Variants in NAALADL2 observed in about 807,000 individuals in gnomAD.
The protein encoded by NAALADL2 is inactive N-acetylated-alpha-linked acidic dipeptidase-like protein 2.
A neutral mutation model predicts 87.2 loss-of-function variants in NAALADL2; 76 were observed. The observed-to-expected ratio is 0.87, with a 90% CI of 0.72 to 1.05. The LOEUF (loss-of-function observed/expected upper bound fraction) is 1.05, where lower values mean the gene tolerates loss of function less well. NAALADL2 is among the 50% of genes least tolerant of loss of function. The pLI is 0.00. For synonymous variants in NAALADL2, 354 were observed against 331.0 expected (o/e 1.07, Z -0.75); for missense variants, 1,089 against 945.8 (o/e 1.15, Z -1.99).
chr3:174,627,759 C>T (rs750406484), intron 2 of NAALADL2, among the ~76,000 whole-genome samples: 1 of 152,000 alleles, frequency 6.6e-6, no homozygotes, highest in Non-Finnish European at 1.5e-5. Flanking sequence ...ACTAGTTGGC[C>T]ATTAAAAAGA....
intron 4 of NAALADL2, among the ~76,000 whole-genome samples, chr3:175,287,067 G>T (rs1356269996): frequency 1.3e-5 from 2 of 152,076 alleles, no homozygotes; most frequent in Non-Finnish European, 2.9e-5. Flanking sequence ...TTGCACTACA[G>T]CCTGGGCAAC....
At chr3:175,313,539 A>G (rs1236277383) in intron 4 of NAALADL2, among the ~76,000 whole-genome samples, 5 of 152,180 alleles carry the variant, frequency 3.3e-5, no homozygotes, top group African/African-American at 1.2e-4. Flanking sequence ...CAGCAAAAGT[A>G]AAAAGATCGG....
At chr3:175,017,096 A>G (rs113994625) in intron 1 of NAALADL2, among the ~76,000 whole-genome samples, 1,529 of 152,142 alleles carry the variant, frequency 0.01, 24 homozygotes, top group African/African-American at 0.035. Flanking sequence ...ACAACTAGTT[A>G]CCCATAGAAT....
At chr3:175,160,360 C>CT (rs71164618) in intron 2 of NAALADL2, among the ~76,000 whole-genome samples, 1,194 of 56,956 alleles carry the variant, frequency 0.021, 193 homozygotes, top group Non-Finnish European at 0.029. Flanking sequence ...TCTTTTCTTT[C>CT]TTTTTTTTTT....
chr3:175,555,674 A>T (rs1030439645), intron 9 of NAALADL2, among the ~76,000 whole-genome samples: 2 of 152,254 alleles, frequency 1.3e-5, no homozygotes, highest in South Asian at 2.1e-4. Context: ...AAAATATGAA[A>T]ATATATATAT....
intron 11 of NAALADL2, among the ~76,000 whole-genome samples, chr3:175,720,178 A>G (rs975549886): frequency 1.3e-5 from 2 of 152,174 alleles, no homozygotes; most frequent in African/African-American, 4.8e-5. Context: ...ATCCACTGTG[A>G]TAAGTATACA....
At chr3:175,635,704 G>A (rs915741958) in intron 11 of NAALADL2, among the ~76,000 whole-genome samples, 4 of 149,458 alleles carry the variant, frequency 2.7e-5, no homozygotes, top group African/African-American at 7.5e-5. Flanking sequence ...AGTGAATTTC[G>A]AATTTTGATG....
intron 2 of NAALADL2, among the ~76,000 whole-genome samples, chr3:175,105,383 C>CT (rs1312965403): frequency 6.6e-6 from 1 of 151,720 alleles, no homozygotes; most frequent in Non-Finnish European, 1.5e-5. Context: ...AGGATTATCA[C>CT]TTTTTTTGAA....
At chr3:174,985,427 A>G (rs184440609) in intron 1 of NAALADL2, among the ~76,000 whole-genome samples, 1 of 152,168 alleles carries the variant, frequency 6.6e-6, no homozygotes, top group African/African-American at 2.4e-5. Flanking sequence ...TCTCTGTTTC[A>G]AGAAAAATCT....
intron 2 of NAALADL2, among the ~76,000 whole-genome samples, chr3:174,599,901 T>C (rs1305611155): frequency 2.0e-5 from 3 of 152,114 alleles, no homozygotes; most frequent in African/African-American, 4.8e-5. Context: ...CACTGGGCAT[T>C]ATCAATAGTG....
intron 2 of NAALADL2, among the ~76,000 whole-genome samples, chr3:174,713,058 G>T (rs955187997): frequency 3.9e-5 from 6 of 151,982 alleles, no homozygotes; most frequent in African/African-American, 7.3e-5. Flanking sequence ...GCGGTGTTTG[G>T]TTTTTTGTCC....
intron 1 of NAALADL2, among the ~76,000 whole-genome samples, chr3:174,491,805 TTTTG>T (rs1216672416): frequency 3.3e-5 from 5 of 152,174 alleles, no homozygotes; most frequent in African/African-American, 9.6e-5. Context: ...TTCCCAAAAC[TTTTG>T]TTTATTACAT....
intron 1 of NAALADL2, among the ~76,000 whole-genome samples, chr3:174,486,225 C>T (rs1358923137): frequency 1.3e-5 from 2 of 152,070 alleles, no homozygotes; most frequent in African/African-American, 4.8e-5. Flanking sequence ...AGAGGTTAGG[C>T]TCTGGTTAAA....
intron 9 of NAALADL2, among the ~76,000 whole-genome samples, chr3:175,486,785 T>C (rs1314371187): frequency 6.6e-6 from 1 of 152,156 alleles, no homozygotes; most frequent in African/African-American, 2.4e-5. Flanking sequence ...TCTCACTCAG[T>C]TGTTTAGGAC....
intron 6 of NAALADL2, among the ~76,000 whole-genome samples, chr3:175,451,044 G>A (rs115377657): frequency 1.6e-3 from 249 of 152,060 alleles, no homozygotes; most frequent in African/African-American, 5.8e-3. Context: ...GGGGAAAGAC[G>A]GAGAAAGAGA....
At chr3:175,081,381 T>C (rs1038173801) in intron 1 of NAALADL2, among the ~76,000 whole-genome samples, 5 of 152,204 alleles carry the variant, frequency 3.3e-5, no homozygotes, top group Non-Finnish European at 5.9e-5. Flanking sequence ...GGTATCTATC[T>C]GTATATCTTT....
At chr3:175,680,664 G>A (rs80061237) in intron 11 of NAALADL2, among the ~76,000 whole-genome samples, 2,910 of 152,220 alleles carry the variant, frequency 0.019, 103 homozygotes, top group African/African-American at 0.067. Flanking sequence ...GTTAAAAAGG[G>A]CTGCATTTCT....
At chr3:175,482,181 T>C (rs1000112187) in intron 9 of NAALADL2, among the ~76,000 whole-genome samples, 1 of 151,982 alleles carries the variant, frequency 6.6e-6, no homozygotes, top group Non-Finnish European at 1.5e-5. Context: ...GCATGAATGT[T>C]AAAGTAATCA....
At chr3:174,569,450 A>G (rs1222989583) in intron 2 of NAALADL2, among the ~76,000 whole-genome samples, 18 of 152,076 alleles carry the variant, frequency 1.2e-4, no homozygotes, top group Admixed American at 1.2e-3. Context: ...TTAGCACTAC[A>G]TATTTACAAC....
Sources: allele counts gnomAD v4.1 joint callset (sites outside exome capture counted in the v4.1 genomes callset), GRCh38; gene constraint gnomAD v4.1.1; transcripts MANE v1.5; gene names NCBI Gene and HGNC (gene_info 2026-07-23, HGNC 2026-07-21).